The following WARS2 variants were observed in gnomAD, a reference collection of about 807,000 sequenced individuals.
The protein encoded by WARS2 is tryptophan--tRNA ligase, mitochondrial.
WARS2 carries 28 observed loss-of-function variants against 36.5 expected under a neutral mutation model. The ratio of observed to expected loss-of-function variants is 0.77; its 90% CI spans 0.57 to 1.05. The LOEUF (loss-of-function observed/expected upper bound fraction) is 1.05, where lower values mean the gene tolerates loss of function less well. Ranked by LOEUF, WARS2 falls within the 50% of genes least tolerant of loss-of-function variation. The pLI, the probability that WARS2 is intolerant of heterozygous loss-of-function variation, is 0.00. For synonymous variants in WARS2, 174 were observed against 178.4 expected, an observed-to-expected ratio of 0.98 and a Z score of 0.20; for missense variants, 435 against 456.8, an observed-to-expected ratio of 0.95 and a Z score of 0.44.
Position 119,033,185 on chromosome 1 carries a change from G to T in WARS2, c.809C>A (p.Ala270Asp), listed in dbSNP as rs757505799. 2.5e-6 allele frequency: 4 copies of T among 1,614,218 alleles called. No homozygotes were observed. Among genetic ancestry groups the T allele is most frequent in the African/African-American group, 1.3e-5 (1 of 75,072 alleles). ...SEVTYDPAGRAGVSNIVAVHA... is the reference protein window; with the variant it reads ...SEVTYDPAGRDGVSNIVAVHA... ...CACCGCCACTATGTTGGACACGCCA[G>T]CGCGGCCAGCCGGGTCATAGGTGAC... The change falls in exon 6 of 6, where the codon GCT (alanine) becomes GAT (aspartate). Residue 270 changes from alanine (A) to aspartate (D), a missense_variant. Coordinates refer to ENST00000235521, the MANE Select transcript of WARS2 (RefSeq NM_015836.4).
chr1:119,122,347 C>T (rs1228251081), intron 1 of WARS2, among the ~76,000 whole-genome samples: 1 of 152,114 alleles, frequency 6.6e-6, no homozygotes, highest in Non-Finnish European at 1.5e-5. Flanking sequence ...AATGTGATAC[C>T]ACCTTACTCC....
rs1403826506 is a variant in WARS2 at position 119,058,770 on chromosome 1, C to T, written c.349-13108G>A. ...TGTGAATAGTGCCGCAATAAACATA[C>T]GTGTACATGTGTCTTTATAGCAGCA... On this transcript the variant is annotated intron_variant, in intron 2 of 5. Transcript: ENST00000235521. Among the ~76,000 whole-genome samples the T allele has an allele frequency of 1.9e-4, 25 of 129,106 alleles. 3 individuals carry two copies. Among genetic ancestry groups the T allele is most frequent in the Admixed American group, 7.0e-4 (10 of 14,238 alleles). 84.7% of individuals were successfully genotyped at this position (129,106 alleles called of 152,430 possible). A position where few individuals can be genotyped will look rare whatever the true frequency, so the allele number is the denominator to read the frequency against.
chr1:119,046,774 CTT>C (rs71743174), intron 2 of WARS2, among the ~76,000 whole-genome samples: 104 of 141,204 alleles, frequency 7.4e-4, no homozygotes, highest in African/African-American at 1.5e-3. Context: ...TCAACTGTGG[CTT>C]TTTTTTTTTT....
intron 1 of WARS2, among the ~76,000 whole-genome samples, chr1:119,138,663 G>T (rs1656688889): frequency 1.3e-5 from 2 of 151,786 alleles, no homozygotes; most frequent in South Asian, 4.2e-4. Flanking sequence ...ACACAATTTT[G>T]TATCTTTTCT....
rs587636146 is a variant in WARS2 at position 119,086,772 on chromosome 1, T to C, written c.91-10165A>G. 1.2e-3 allele frequency among the ~76,000 whole-genome samples: 188 copies of C among 152,292 alleles called. 1 individual carries two copies. Among genetic ancestry groups the C allele is most frequent in the African/African-American group, 4.3e-3 (177 of 41,556 alleles). On this transcript the variant is annotated intron_variant, in intron 1 of 5. Transcript: ENST00000235521. ...TACTGACTTAGCATAACTCTTCTCA[T>C]TTCTTCCTCTGAGACAAGACTCTGA...
At chr1:119,130,484 T>G (rs927392824) in intron 1 of WARS2, among the ~76,000 whole-genome samples, 46 of 152,210 alleles carry the variant, frequency 3.0e-4, no homozygotes, top group Admixed American at 1.2e-3. Flanking sequence ...AAGTTTGAAA[T>G]TCATACCCTC....
intron 1 of WARS2, among the ~76,000 whole-genome samples, chr1:119,077,203 G>A (rs1220104710): frequency 6.6e-6 from 1 of 151,312 alleles, no homozygotes; most frequent in Non-Finnish European, 1.5e-5. Flanking sequence ...AGAGGGTATT[G>A]TTTATGAAAA....
intron 1 of WARS2, chr1:119,140,255 G>T (rs957547024): frequency 4.0e-5 from 12 of 299,850 alleles, no homozygotes; most frequent in Admixed American, 2.0e-4. Context: ...CATCACACGC[G>T]GGGTAGGCTC....
intron 1 of WARS2, among the ~76,000 whole-genome samples, chr1:119,077,705 CT>C (rs1442196745): frequency 6.6e-6 from 1 of 151,638 alleles, no homozygotes; most frequent in African/African-American, 2.4e-5. Context: ...CATATTTTCC[CT>C]TTGGTTTGTA....
intron 1 of WARS2, among the ~76,000 whole-genome samples, chr1:119,099,931 A>G (rs977065700): frequency 2.0e-5 from 3 of 152,338 alleles, no homozygotes; most frequent in African/African-American, 7.2e-5. Context: ...CACAGGCAAC[A>G]AACCCAAAAA....
At chr1:119,083,795 A>G (rs1009134951) in intron 1 of WARS2, among the ~76,000 whole-genome samples, 1 of 152,204 alleles carries the variant, frequency 6.6e-6, no homozygotes, top group Non-Finnish European at 1.5e-5. Flanking sequence ...AACATGACAT[A>G]AATAATTAGA....
intron 1 of WARS2, among the ~76,000 whole-genome samples, chr1:119,103,846 T>G (rs944261713): frequency 2.0e-5 from 3 of 151,770 alleles, no homozygotes; most frequent in African/African-American, 7.2e-5. Context: ...GATCATATGT[T>G]ACTCTGCACT....
chr1:119,071,267 A>G (rs1651296771), intron 2 of WARS2, among the ~76,000 whole-genome samples: 3 of 152,324 alleles, frequency 2.0e-5, no homozygotes, highest in Middle Eastern at 3.4e-3. Context: ...TACAGCCATT[A>G]TGGAAAACAG....
At chr1:119,079,629 T>C (rs1483097803) in intron 1 of WARS2, among the ~76,000 whole-genome samples, 3 of 152,190 alleles carry the variant, frequency 2.0e-5, no homozygotes, top group African/African-American at 4.8e-5. Flanking sequence ...ACTTTTGATA[T>C]GTGAGTGCCA....
chr1:119,087,083 T>C (rs888439393), intron 1 of WARS2, among the ~76,000 whole-genome samples: 1 of 152,138 alleles, frequency 6.6e-6, no homozygotes, highest in Admixed American at 6.5e-5. Flanking sequence ...ATGTCTCTTT[T>C]TCTCTCTCTC....
rs1053937397 is a variant in WARS2 at position 119,127,654 on chromosome 1, G to C, written c.90+12901C>G. 2.6e-5 allele frequency among the ~76,000 whole-genome samples: 4 copies of C among 152,124 alleles called. 1 individual carries two copies. In the South Asian group the frequency reaches 6.2e-4, roughly 24 times the overall value. On this transcript the variant is annotated intron_variant, in intron 1 of 5. Coordinates refer to ENST00000235521, the MANE Select transcript of WARS2 (RefSeq NM_015836.4). ...CCATCTGAGAGAATGATGCTCAACA[G>C]GGTTTGGAGCTCCTCGATTTCCCAC...
At chr1:119,071,459 A>G (rs974094344) in intron 2 of WARS2, among the ~76,000 whole-genome samples, 4 of 152,234 alleles carry the variant, frequency 2.6e-5, no homozygotes, top group African/African-American at 9.6e-5. Context: ...CTATCAACAG[A>G]TGAACAGATA....
intron 1 of WARS2, among the ~76,000 whole-genome samples, chr1:119,119,430 C>T (rs374869008): frequency 6.6e-6 from 1 of 151,962 alleles, no homozygotes; most frequent in Non-Finnish European, 1.5e-5. Context: ...ATTATTACTA[C>T]ACCTAAGAAA....
chr1:119,112,406 G>A (rs1654704498), intron 1 of WARS2, among the ~76,000 whole-genome samples: 1 of 152,126 alleles, frequency 6.6e-6, no homozygotes, highest in South Asian at 2.1e-4. Flanking sequence ...AGTTTTTATG[G>A]TGATGGAAAT....
Sources: allele counts gnomAD v4.1 joint callset (sites outside exome capture counted in the v4.1 genomes callset), GRCh38; gene constraint gnomAD v4.1.1; transcripts MANE v1.5; gene names NCBI Gene and HGNC (gene_info 2026-07-23, HGNC 2026-07-21).